The following TET2 variants were observed in gnomAD, a reference collection of about 807,000 sequenced individuals.
TET2 encodes tet methylcytosine dioxygenase 2.
In TET2, 299 loss-of-function variants were observed where a neutral mutation model predicts 142.9. That is an observed-to-expected ratio of 2.09 (90% CI 1.90 to 2.30). The LOEUF is 2.30. Among genes scored for constraint, TET2 ranks in the 30% most tolerant of loss-of-function variants. The pLI, the probability that TET2 is intolerant of heterozygous loss-of-function variation, is 0.00. For synonymous variants in TET2, 819 were observed against 849.0 expected, an observed-to-expected ratio of 0.96 and a Z score of 0.61; for missense variants, 2,418 against 2,378.0, an observed-to-expected ratio of 1.02 and a Z score of -0.35.
chr4:105,242,688 G>A (rs1447670237), intron 4 of TET2, 146 bp from the exon 5 acceptor site: 26 of 1,438,172 alleles, frequency 1.8e-5, no homozygotes, highest in East Asian at 2.6e-5. Context: ...TTTGCTTGGC[G>A]TAGACCTGTT....
intron 2 of TET2, among the ~76,000 whole-genome samples, chr4:105,199,522 C>T (rs1255950113): frequency 6.6e-6 from 1 of 152,106 alleles, no homozygotes; most frequent in Non-Finnish European, 1.5e-5. Context: ...TTTTCCATAC[C>T]ATCAAGTGGC....
rs1358170367 is a variant in TET2 at position 105,235,676 on chromosome 4, T to G, written c.1734T>G (p.His578Gln). Residue 578 changes from histidine to glutamine, a missense_variant, in exon 3 of 11, where the codon CAT (histidine) becomes CAG (glutamine). His to Gln is a conservative substitution (Grantham distance 24). Coordinates refer to ENST00000380013, the MANE Select transcript of TET2 (RefSeq NM_001127208.3). ...KAPRFHQAES[H>Q]LKRNEASLPS... ...CTCGTTTTCACCAAGCGGAATCCCA[T>G]CTAAAACGTAATGAGGCATCACTGC... 6.2e-7 allele frequency: 1 copy of G among 1,613,976 alleles called. No homozygotes were observed. The highest frequency in any genetic ancestry group is 1.3e-5 in the African/African-American group (1 of 74,918).
chr4:105,247,714 CTTTTTTTT>C (rs1206510081), intron 6 of TET2, among the ~76,000 whole-genome samples: 4 of 65,318 alleles, frequency 6.1e-5, no homozygotes, highest in Admixed American at 2.3e-4. Flanking sequence ...TTTTTCTTTT[CTTTTTTTT>C]TTTTTTTTTT....
rs777710527 is a variant in TET2 at position 105,277,163 on chromosome 4, A to G, written c.*644A>G. 1.3e-5 allele frequency: 3 copies of G among 230,316 alleles called. No individual in the cohort carries two copies. The highest frequency in any genetic ancestry group is 5.7e-5 in the Admixed American group (1 of 17,696). 14.3% of individuals were successfully genotyped at this position (230,316 alleles called of 1,614,324 possible). Reference sequence around the variant, plus strand: ...TAATAGCTAAAAATTTAATGCCTTTATATCATCAAGATGCTATCAGTGTAC... The same window carrying G: ...TAATAGCTAAAAATTTAATGCCTTTGTATCATCAAGATGCTATCAGTGTAC... On this transcript the variant is annotated 3_prime_UTR_variant, in exon 11 of 11. Coordinates refer to ENST00000380013, the MANE Select transcript of TET2 (RefSeq NM_001127208.3).
chr4:105,187,262 C>A (rs1332181174), intron 1 of TET2, among the ~76,000 whole-genome samples: 2 of 152,144 alleles, frequency 1.3e-5, no homozygotes, highest in Admixed American at 6.5e-5. Flanking sequence ...TTTTGTTTTA[C>A]TATTTTAAAC....
chr4:105,275,473 C>G lies in TET2; in HGVS notation c.4963C>G (p.Pro1655Ala), dbSNP rs2110313363. 6.4e-7 allele frequency: 1 copy of G among 1,551,700 alleles called. No individual in the cohort carries two copies. Among genetic ancestry groups the G allele is most frequent in the Non-Finnish European group, 8.7e-7 (1 of 1,146,984 alleles). ...YLGSYSPQSQ[P>A]MDLYRYPSQD... ...GGGTTCCTATTCTCCCCAGTCTCAGCCGATGGATCTGTATAGGTATCCAAG... is the reference window on the plus strand; with the variant it reads ...GGGTTCCTATTCTCCCCAGTCTCAGGCGATGGATCTGTATAGGTATCCAAG... The change falls in exon 11 of 11, where the codon CCG becomes GCG. Residue 1655 changes from proline (P) to alanine (A), a missense_variant. Pro to Ala is a conservative substitution (Grantham distance 27). Transcript: ENST00000380013.
At chr4:105,242,222 A>G (rs1729343182) in intron 4 of TET2, 1 of 1,095,098 alleles carries the variant, frequency 9.1e-7, no homozygotes. Flanking sequence ...TCACTAAATA[A>G]TCATCTAGTG....
At chr4:105,250,459 T>C (rs1395898606) in intron 6 of TET2, among the ~76,000 whole-genome samples, 1 of 137,852 alleles carries the variant, frequency 7.3e-6, no homozygotes, top group Non-Finnish European at 1.5e-5. Flanking sequence ...TTTGAACTCC[T>C]GGCTAAAGAG....
rs1403155303 is a variant in TET2 at position 105,277,117 on chromosome 4, G to A, written c.*598G>A. The A allele has an allele frequency of 4.3e-6, 1 of 231,544 alleles. No individual in the cohort carries two copies. 14.3% of individuals were successfully genotyped at this position (231,544 alleles called of 1,614,324 possible). On this transcript the variant is annotated 3_prime_UTR_variant, in exon 11 of 11. Coordinates refer to ENST00000380013, the MANE Select transcript of TET2 (RefSeq NM_001127208.3). ...ATTTGTTTGGATGTTCTAAGAAATG[G>A]TGCTAAGAAAATGGTGTCTTTAATA...
chr4:105,201,359 A>G (rs1726453173), intron 2 of TET2, among the ~76,000 whole-genome samples: 1 of 152,188 alleles, frequency 6.6e-6, no homozygotes, highest in African/African-American at 2.4e-5. Flanking sequence ...CTCTAATGCA[A>G]GGTGTTTCCT....
chr4:105,240,425 A>T, intron 3 of TET2: 4 of 1,074,000 alleles, frequency 3.7e-6, no homozygotes, highest in Non-Finnish European at 4.6e-6. Context: ...GTGGATAGAG[A>T]TGAAGATCTT....
chr4:105,193,750 G>T (rs1307286906), intron 2 of TET2, among the ~76,000 whole-genome samples: 1 of 152,166 alleles, frequency 6.6e-6, no homozygotes, highest in Non-Finnish European at 1.5e-5. Context: ...ATATGAGTTT[G>T]AATTCAGCAT....
intron 1 of TET2, among the ~76,000 whole-genome samples, chr4:105,179,749 C>T (rs1725009647): frequency 6.6e-6 from 1 of 152,144 alleles, no homozygotes; most frequent in Non-Finnish European, 1.5e-5. Flanking sequence ...CTGGCATAAA[C>T]CACTAGAGTA....
Position 105,275,705 on chromosome 4 carries a change from A to G in TET2, c.5195A>G (p.His1732Arg), listed in dbSNP as rs909031421. The G allele has an allele frequency of 9.0e-6, 14 of 1,551,686 alleles. No homozygotes were observed. Among genetic ancestry groups the G allele is most frequent in the Non-Finnish European group, 8.7e-6 (10 of 1,146,984 alleles). Residue 1732 changes from histidine to arginine, a missense_variant, in exon 11 of 11, where the codon CAC becomes CGC. Physicochemically the swap from His to Arg is conservative, Grantham distance 29. Coordinates refer to ENST00000380013, the MANE Select transcript of TET2 (RefSeq NM_001127208.3). The stretch of plus-strand genomic sequence containing the variant: ...TATCCCACTCATGAGATGGATGGCC[A>G]CTTCATGGGAGCCACCTCTAGATTA... ...PPYPTHEMDGHFMGATSRLPP... is the reference protein window; with the variant it reads ...PPYPTHEMDGRFMGATSRLPP...
rs915566123 is a variant in TET2, at chr4:105,259,872, CAA to C, written c.3954+105_3954+106del. 4 of 1,175,092 alleles carry C rather than the reference CAA, an allele frequency of 3.4e-6. No individual in the cohort carries two copies. The Admixed American group carries it at 1.3e-4, about 38-fold the overall frequency. 72.8% of individuals were successfully genotyped at this position (1,175,092 alleles called of 1,614,324 possible). On this transcript the variant is annotated intron_variant, in intron 7 of 10. Coordinates refer to ENST00000380013, the MANE Select transcript of TET2 (RefSeq NM_001127208.3). ...CATATCTTGGTAAGCTCTTATTAAT[CAA>C]AGTTTTTCCCAAACTGTAGATACAC...
chr4:105,238,541 T>G, intron 3 of TET2: 1 of 244,728 alleles, frequency 4.1e-6, no homozygotes, highest in Non-Finnish European at 8.6e-6. Flanking sequence ...ATTGGAAGTA[T>G]ATTCCATCTC....
intron 2 of TET2, among the ~76,000 whole-genome samples, chr4:105,227,649 C>CA (rs1233441099): frequency 6.6e-5 from 10 of 152,050 alleles, no homozygotes; most frequent in Admixed American, 2.0e-4. Flanking sequence ...CAAAATATTT[C>CA]TGATGAGTCA....
At position 105,237,825 on chromosome 4, in the gene TET2, A is replaced by G; in HGVS notation, c.3409+474A>G. ...GGCTAATAGGGAAATTATTATCTTC[A>G]GTCTTCATGAGTTGGGGGAAATGAT... On this transcript the variant is annotated intron_variant, in intron 3 of 10. Transcript: ENST00000380013. 3.6e-6 allele frequency: 4 copies of G among 1,100,658 alleles called. No homozygotes were observed. In the South Asian group the frequency reaches 1.3e-4, roughly 37 times the overall value. 68.2% of individuals were successfully genotyped at this position (1,100,658 alleles called of 1,614,324 possible).
chr4:105,196,916 C>T (rs1412412112), intron 2 of TET2, among the ~76,000 whole-genome samples: 3 of 151,962 alleles, frequency 2.0e-5, no homozygotes, highest in Non-Finnish European at 4.4e-5. Flanking sequence ...GTTTTATTTC[C>T]CTCTCCCCCT....
Sources: gnomAD v4.1 joint callset for allele counts (sites outside exome capture counted in the v4.1 genomes callset) on GRCh38, gnomAD v4.1.1 for gene constraint, MANE v1.5 for transcripts, NCBI Gene and HGNC (gene_info 2026-07-23, HGNC 2026-07-21) for gene names.